IL1RAPL2: variants seen among roughly 807,000 people sequenced by gnomAD.
IL1RAPL2 encodes the protein X-linked interleukin-1 receptor accessory protein-like 2.
IL1RAPL2 carries 3 observed loss-of-function variants against 44.1 expected under a neutral mutation model. The ratio of observed to expected loss-of-function variants is 0.07; its 90% CI spans 0.03 to 0.18. The LOEUF (loss-of-function observed/expected upper bound fraction) is 0.18, where lower values mean the gene tolerates loss of function less well. IL1RAPL2 is among the 10% of genes least tolerant of loss of function. The pLI is 1.00. For missense variants in IL1RAPL2, 391 were observed against 496.4 expected, an observed-to-expected ratio of 0.79 and a Z score of 2.02; for synonymous variants, 181 against 178.8, an observed-to-expected ratio of 1.01 and a Z score of -0.10.
chrX:105,561,491 G>A (rs2036937031), intron 6 of IL1RAPL2, among the ~76,000 whole-genome samples: 1 of 112,250 alleles, frequency 8.9e-6, no homozygotes, highest in African/African-American at 3.2e-5. Context: ...CATACATGCT[G>A]AGGGCCATGT....
chrX:105,235,026 G>C, intron 4 of IL1RAPL2, among the ~76,000 whole-genome samples: 1 of 110,580 alleles, frequency 9.0e-6, no homozygotes, highest in Non-Finnish European at 1.9e-5. Context: ...TAGGAAGGGA[G>C]TGGGTAGGAT....
intron 5 of IL1RAPL2, among the ~76,000 whole-genome samples, chrX:105,415,243 A>G (rs1326105654): frequency 8.9e-6 from 1 of 112,073 alleles, no homozygotes; most frequent in Non-Finnish European, 1.9e-5. Context: ...TCTAAGGCAT[A>G]ATATGTATAT....
At chrX:104,609,467 T>C (rs1049222767) in intron 1 of IL1RAPL2, among the ~76,000 whole-genome samples, 2 of 112,311 alleles carry the variant, frequency 1.8e-5, no homozygotes, top group Non-Finnish European at 3.8e-5. Flanking sequence ...TCCATTCTCC[T>C]CATCACTTCC....
chrX:104,915,738 T>C (rs1246246219), intron 2 of IL1RAPL2, among the ~76,000 whole-genome samples: 2 of 111,938 alleles, frequency 1.8e-5, no homozygotes, highest in Non-Finnish European at 3.8e-5. Flanking sequence ...CTTGAGTTAA[T>C]TTTTGTATAA....
chrX:104,796,763 T>TTTTG lies in IL1RAPL2; in HGVS notation c.82+137788_82+137791dup, dbSNP rs752624360. On this transcript the variant is annotated intron_variant, in intron 2 of 10. Transcript: ENST00000372582. The stretch of plus-strand genomic sequence containing the variant: ...GGAAAAGAGTGTTTTTTGGTTCTTT[T>TTTTG]TTTGTTTGTTTGTTTGTTTGTTTTG... Among the ~76,000 whole-genome samples the TTTTG allele has an allele frequency of 6.2e-3, 693 of 110,907 alleles. 3 individuals carry two copies. Among genetic ancestry groups the TTTTG allele is most frequent in the Non-Finnish European group, 9.5e-3 (501 of 52,863 alleles).
At chrX:105,589,287 C>A (rs1323930054) in intron 6 of IL1RAPL2, among the ~76,000 whole-genome samples, 2 of 110,604 alleles carry the variant, frequency 1.8e-5, no homozygotes, top group African/African-American at 6.6e-5. Context: ...GATATTAGAC[C>A]TTTGTCAGTT....
At chrX:105,075,702 T>G (rs1467740301) in intron 2 of IL1RAPL2, among the ~76,000 whole-genome samples, 13 of 107,352 alleles carry the variant, frequency 1.2e-4, no homozygotes, top group Admixed American at 3.0e-4. Flanking sequence ...AGCTATTAAT[T>G]ATTGCCTCAA....
chrX:104,715,640 C>A (rs1478951955), intron 2 of IL1RAPL2, among the ~76,000 whole-genome samples: 1 of 106,053 alleles, frequency 9.4e-6, no homozygotes, highest in Non-Finnish European at 1.9e-5. Flanking sequence ...AACAGCCAAG[C>A]CACGAACCAA....
chrX:104,959,867 C>T (rs2029972041), intron 2 of IL1RAPL2, among the ~76,000 whole-genome samples: 2 of 111,960 alleles, frequency 1.8e-5, no homozygotes, highest in Non-Finnish European at 3.8e-5. Flanking sequence ...GCCTCTCTCA[C>T]ATGCCACTAT....
chrX:105,676,696 G>T (rs1458531634), intron 6 of IL1RAPL2, among the ~76,000 whole-genome samples: 1 of 112,038 alleles, frequency 8.9e-6, no homozygotes, highest in African/African-American at 3.2e-5. Context: ...GATTTTGCTT[G>T]ATACCACATT....
chrX:105,448,848 C>T (rs1230192388), intron 5 of IL1RAPL2, among the ~76,000 whole-genome samples: 1 of 111,059 alleles, frequency 9.0e-6, no homozygotes, highest in Admixed American at 9.6e-5. Context: ...ATGCATTCTT[C>T]AGCATGCCAA....
intron 2 of IL1RAPL2, among the ~76,000 whole-genome samples, chrX:104,960,235 TG>T (rs774640028): frequency 1.8e-3 from 205 of 112,038 alleles, no homozygotes; most frequent in Non-Finnish European, 3.2e-3. Flanking sequence ...AACAGAAAGC[TG>T]GGGAAGTCTA....
intron 5 of IL1RAPL2, among the ~76,000 whole-genome samples, chrX:105,362,884 T>G (rs1292031658): frequency 1.8e-5 from 2 of 110,709 alleles, no homozygotes; most frequent in Non-Finnish European, 3.8e-5. Context: ...ATCTATTGTT[T>G]TAGTAACTTT....
intron 2 of IL1RAPL2, among the ~76,000 whole-genome samples, chrX:104,682,932 A>T (rs1235469656): frequency 9.0e-6 from 1 of 111,525 alleles, no homozygotes; most frequent in Non-Finnish European, 1.9e-5. Flanking sequence ...TTGGAATTTG[A>T]ACCAAATTCG....
intron 2 of IL1RAPL2, among the ~76,000 whole-genome samples, chrX:104,770,465 T>C (rs1932623332): frequency 8.9e-6 from 1 of 111,833 alleles, no homozygotes; most frequent in Non-Finnish European, 1.9e-5. Flanking sequence ...TCATAGCAAC[T>C]ACAATTTATT....
At chrX:104,907,487 A>C (rs1488219122) in intron 2 of IL1RAPL2, among the ~76,000 whole-genome samples, 19 of 110,959 alleles carry the variant, frequency 1.7e-4, no homozygotes, top group Admixed American at 3.8e-4. Flanking sequence ...TGTCCCAGAG[A>C]TTCTGGTATG....
chrX:104,886,223 A>T (rs1222484405), intron 2 of IL1RAPL2, among the ~76,000 whole-genome samples: 1 of 112,231 alleles, frequency 8.9e-6, no homozygotes, highest in Non-Finnish European at 1.9e-5. Context: ...CCACACCCTT[A>T]TTAGGGAGGG....
chrX:105,383,191 A>T (rs980846626), intron 5 of IL1RAPL2, among the ~76,000 whole-genome samples: 8 of 110,356 alleles, frequency 7.2e-5, no homozygotes, highest in African/African-American at 2.6e-4. Context: ...TGTACCAAAC[A>T]CTAGATCTTA....
At chrX:105,107,375 CTG>C (rs971621279) in intron 2 of IL1RAPL2, among the ~76,000 whole-genome samples, 3 of 111,979 alleles carry the variant, frequency 2.7e-5, no homozygotes, top group African/African-American at 9.7e-5. Context: ...CACCTAAAAA[CTG>C]TGTAGCTGAG....
Sources: gnomAD v4.1 joint callset for allele counts (sites outside exome capture counted in the v4.1 genomes callset) on GRCh38, gnomAD v4.1.1 for gene constraint, MANE v1.5 for transcripts, NCBI Gene and HGNC (gene_info 2026-07-23, HGNC 2026-07-21) for gene names.